CFAP73: variants seen among roughly 807,000 people sequenced by gnomAD.
CFAP73 encodes the protein cilia and flagella associated protein 73.
Under a neutral mutation model 42.9 loss-of-function variants are expected in CFAP73, and 33 were observed. The observed-to-expected ratio is 0.77, with a 90% CI of 0.58 to 1.03. The LOEUF is 1.03. CFAP73 is among the 50% of genes least tolerant of loss of function. The probability of loss-of-function intolerance (pLI) is 0.00; values close to 1 mark genes in which losing one functional copy is unlikely to be tolerated. For synonymous variants in CFAP73, 162 were observed against 186.8 expected, an observed-to-expected ratio of 0.87 and a Z score of 1.08; for missense variants, 392 against 411.9, an observed-to-expected ratio of 0.95 and a Z score of 0.42.
chr12:113,155,175 G>GAA (rs199729083), intron 5 of CFAP73, 85 bp from the exon 6 acceptor site: 4,119 of 1,049,822 alleles, frequency 3.9e-3, no homozygotes, highest in South Asian at 5.0e-3. Flanking sequence ...ATCTCAAAAA[G>GAA]AAAAAAAAAA....
chr12:113,152,128 C>G (rs1050529914), intron 2 of CFAP73, 105 bp downstream of exon 2: 115 of 740,518 alleles, frequency 1.6e-4, no homozygotes, highest in Non-Finnish European at 2.4e-4. Flanking sequence ...CCACTCCAAG[C>G]CTTGATTTCC....
rs976674067 is a variant in CFAP73, at chr12:113,158,840, A to C, written c.*151A>C. ...GGAACGTCTGCTGATGCCCACCCTA[A>C]GGCCAATCAAGGAGCCACGGGGCTG... On this transcript the variant is annotated 3_prime_UTR_variant, in exon 8 of 8. Coordinates refer to ENST00000335621, the MANE Select transcript of CFAP73 (RefSeq NM_001144872.3). This position sits in a 1 kb window ranked among gnomAD's most constrained non-coding sequence, Gnocchi z 4.9. 1 of 1,556,528 alleles carries C rather than the reference A, an allele frequency of 6.4e-7. No homozygotes were observed. Among genetic ancestry groups the C allele is most frequent in the Non-Finnish European group, 8.7e-7 (1 of 1,145,850 alleles).
Position 113,155,312 on chromosome 12 carries a change from TG to T in CFAP73, c.746del (p.Gly249AspfsTer13). The stretch of plus-strand genomic sequence containing the variant: ...ACAGCAGCGGAGAAGACTCTGCTCC[TG>T]GGACGCAGCAGGATGGCTGTGCTCA... ...QNTAAEKTLL[L>X]GRSRMAVLNL... On this transcript the variant is annotated frameshift_variant, in exon 6 of 8. Transcript: ENST00000335621. LOFTEE classifies it high-confidence loss of function. 1 of 1,550,836 alleles carries T rather than the reference TG, an allele frequency of 6.4e-7. No homozygotes were observed.
At position 113,157,516 on chromosome 12, in the gene CFAP73, C is replaced by G. The variant is rs141204840; in HGVS notation, c.850-86C>G. On this transcript the variant is annotated intron_variant, in intron 6 of 7. Transcript: ENST00000335621. The stretch of plus-strand genomic sequence containing the variant: ...GAGGGGATCTCCAGTCCCCGCCCTA[C>G]CTTTCGGCCTCCCCCGCGTGTTGAG... 1.5e-3 allele frequency: 1,588 copies of G among 1,092,500 alleles called. 11 individuals carry two copies. In the African/African-American group the frequency reaches 0.02, roughly 14 times the overall value. 67.7% of individuals were successfully genotyped at this position (1,092,500 alleles called of 1,614,324 possible). A position where few individuals can be genotyped will look rare whatever the true frequency, so the allele number is the denominator to read the frequency against.
chr12:113,151,695 G>C (rs1166420996), intron 1 of CFAP73, among the ~76,000 whole-genome samples: 1 of 151,012 alleles, frequency 6.6e-6, no homozygotes, highest in Non-Finnish European at 1.5e-5. Context: ...CTACTCAAGA[G>C]ACAAGATGGG....
At chr12:113,152,241 A>G (rs922294805) in intron 2 of CFAP73, among the ~76,000 whole-genome samples, 4 of 152,222 alleles carry the variant, frequency 2.6e-5, no homozygotes, top group South Asian at 2.1e-4. Context: ...AGGTCTTACG[A>G]TAGTCCCTGG....
intron 2 of CFAP73, 34 bp from the exon 3 acceptor site, chr12:113,152,749 G>A (rs1439366733): frequency 4.0e-6 from 6 of 1,486,892 alleles, no homozygotes; most frequent in Non-Finnish European, 4.6e-6. Flanking sequence ...CCGGACCCCC[G>A]AACCCACACA....
In CFAP73 at chr12:113,153,431, G is replaced by A. The variant is rs150635974; in HGVS notation, c.468+23G>A. ...GGGGTGAGTCCGGGGCAGGAGGCTG[G>A]GAGCTCGGCGCCACCGCGTGGCGCT... On this transcript the variant is annotated intron_variant, in intron 4 of 7. Coordinates refer to ENST00000335621, the MANE Select transcript of CFAP73 (RefSeq NM_001144872.3). 2.9e-6 allele frequency: 4 copies of A among 1,391,800 alleles called. No homozygotes were observed. The African/African-American group carries it at 4.6e-5, about 16-fold the overall frequency. The allele number at this position is 1,391,800 out of a possible 1,614,324, so 86.2% of individuals were successfully genotyped here.
chr12:113,157,468 AC>A, intron 6 of CFAP73, 133 bp from the exon 7 acceptor site: 1 of 715,184 alleles, frequency 1.4e-6, no homozygotes, highest in South Asian at 1.7e-5. Flanking sequence ...TCTGGGAACC[AC>A]CATCATCACT....
In CFAP73 at chr12:113,159,021, G is replaced by A. The variant is rs778319729; in HGVS notation, c.*332G>A. ...GCAGGAAGTGCAGCTTCTGGGCCCG[G>A]CGCCGCTGCTTCAGGATCTGCTGCT... On this transcript the variant is annotated 3_prime_UTR_variant, in exon 8 of 8. Transcript: ENST00000335621. The A allele has an allele frequency of 6.2e-7, 1 of 1,611,788 alleles. No homozygotes were observed. Among genetic ancestry groups the A allele is most frequent in the Non-Finnish European group, 8.5e-7 (1 of 1,179,276 alleles).
chr12:113,153,534 A>G, intron 4 of CFAP73, 126 bp downstream of exon 4: 1 of 771,636 alleles, frequency 1.3e-6, no homozygotes, highest in South Asian at 2.3e-5. Flanking sequence ...GCATGCCGAG[A>G]ACTATCACTT....
Position 113,155,188 on chromosome 12 carries a change from AGTGGCTGGGAAG to A in CFAP73, c.691-71_691-60del. 3 of 1,309,566 alleles carry A rather than the reference AGTGGCTGGGAAG, an allele frequency of 2.3e-6. No homozygotes were observed. The Admixed American group carries it at 8.5e-5, about 37-fold the overall frequency. The allele number at this position is 1,309,566 out of a possible 1,614,324, so 81.1% of individuals were successfully genotyped here. A position where few individuals can be genotyped will look rare whatever the true frequency, so the allele number is the denominator to read the frequency against. On this transcript the variant is annotated intron_variant, in intron 5 of 7. Coordinates refer to ENST00000335621, the MANE Select transcript of CFAP73 (RefSeq NM_001144872.3). ...CCATCTCAAAAAGAAAAAAAAAAAA[AGTGGCTGGGAAG>A]AGGGGGCAGCCCGCCTTGGCCCAGT...
Position 113,158,558 on chromosome 12 carries a change from T to G in CFAP73, c.*12-143T>G. 1 of 302,008 alleles carries G rather than the reference T, an allele frequency of 3.3e-6. No homozygotes were observed. Among genetic ancestry groups the G allele is most frequent in the Non-Finnish European group, 6.1e-6 (1 of 165,044 alleles). The allele number at this position is 302,008 out of a possible 1,614,324, so 18.7% of individuals were successfully genotyped here. On this transcript the variant is annotated intron_variant, in intron 7 of 7. Transcript: ENST00000335621. The surrounding 1 kb of genome is among the most constrained non-coding windows in gnomAD (Gnocchi z 4.9). ...CCAAACCCTGAGGCACTCAGGGCTC[T>G]GACCGGTGCAGCCATGACCTCTGAA... is the stretch of plus-strand genomic sequence containing the variant.
At chr12:113,157,258 A>G in intron 6 of CFAP73, 1 of 282,850 alleles carries the variant, frequency 3.5e-6, no homozygotes. Flanking sequence ...ACCCACGGAG[A>G]TAAGAGTAGG....
chr12:113,156,518 T>G (rs1952129199), intron 6 of CFAP73, among the ~76,000 whole-genome samples: 1 of 152,026 alleles, frequency 6.6e-6, no homozygotes, highest in Admixed American at 6.5e-5. Flanking sequence ...GAGTTTTGTC[T>G]GCGGCTCGTC....
intron 6 of CFAP73, chr12:113,157,379 G>GTGTC: frequency 1.7e-6 from 1 of 582,604 alleles, no homozygotes; most frequent in Non-Finnish European, 3.1e-6. Context: ...AGCTGTGAAG[G>GTGTC]TGTCTGCTCA....
In CFAP73 at chr12:113,153,238, C is replaced by A. The variant is rs1381234028; in HGVS notation, c.298C>A (p.Arg100=). Residue 100 remains arginine (R), a synonymous_variant, in exon 4 of 8, where the codon CGG becomes AGG. Transcript: ENST00000335621. The stretch of plus-strand genomic sequence containing the variant: ...CGAGGCCCGGCGCAATCGCGCGCTG[C>A]GGAGGGCGGCGGAGGAGAGGCACCA... ...DSEARRNRAL[R]RAAEERHQAG... 1 of 1,518,848 alleles carries A rather than the reference C, an allele frequency of 6.6e-7. No homozygotes were observed. The allele number at this position is 1,518,848 out of a possible 1,614,324, so 94.1% of individuals were successfully genotyped here.
intron 5 of CFAP73, among the ~76,000 whole-genome samples, chr12:113,155,046 T>C (rs920432275): frequency 6.6e-6 from 1 of 152,036 alleles, no homozygotes; most frequent in Non-Finnish European, 1.5e-5. Flanking sequence ...GGCGGGCGCC[T>C]GTACTCCCAG....
chr12:113,151,754 T>C (rs1335486404), intron 1 of CFAP73, among the ~76,000 whole-genome samples, 164 bp from the exon 2 acceptor site: 1 of 145,982 alleles, frequency 6.9e-6, no homozygotes, highest in Admixed American at 6.9e-5. Context: ...ACCACTGCAC[T>C]CCAGCCTGGG....
Sources: gnomAD v4.1 joint callset for allele counts (sites outside exome capture counted in the v4.1 genomes callset) on GRCh38, gnomAD v4.1.1 for gene constraint, Gnocchi (gnomAD v3.1) non-coding constraint, MANE v1.5 for transcripts, NCBI Gene and HGNC (gene_info 2026-07-23, HGNC 2026-07-21) for gene names.